The following DCC variants were observed in gnomAD, a reference collection of about 807,000 sequenced individuals.
DCC encodes DCC netrin 1 receptor.
DCC carries 58 observed loss-of-function variants against 172.5 expected under a neutral mutation model. The ratio of observed to expected loss-of-function variants is 0.34; its 90% CI spans 0.27 to 0.42. The LOEUF is 0.42. Ranked by LOEUF, DCC falls within the 10% of genes least tolerant of loss-of-function variation. The probability of loss-of-function intolerance (pLI) is 1.00; values close to 1 mark genes in which losing one functional copy is unlikely to be tolerated. For missense variants in DCC, 1,740 were observed against 1,791.0 expected (o/e 0.97, Z 0.51); for synonymous variants, 709 against 644.5 (o/e 1.10, Z -1.52).
rs1406555358 is a variant in DCC, at chr18:52,565,397, A to G, written c.92-186657A>G. 2.6e-5 allele frequency among the ~76,000 whole-genome samples: 4 copies of G among 152,116 alleles called. No individual in the cohort carries two copies. The South Asian group carries it at 8.3e-4, about 32-fold the overall frequency. On this transcript the variant is annotated intron_variant, in intron 1 of 28. Coordinates refer to ENST00000442544, the MANE Select transcript of DCC (RefSeq NM_005215.4). ...GATCAAATGGTATTTATTGTTCTAG[A>G]TCCTTGAGGAATCGCCACACTGTCT...
At position 53,531,184 on chromosome 18, in the gene DCC, TAAAC is replaced by T. The variant is rs1318838008; in HGVS notation, c.*539_*542del. 5.8e-6 allele frequency: 1 copy of T among 172,904 alleles called. No individual in the cohort carries two copies. 10.7% of individuals were successfully genotyped at this position (172,904 alleles called of 1,614,324 possible). A position where few individuals can be genotyped will look rare whatever the true frequency, so the allele number is the denominator to read the frequency against. On this transcript the variant is annotated 3_prime_UTR_variant, in exon 29 of 29. Coordinates refer to ENST00000442544, the MANE Select transcript of DCC (RefSeq NM_005215.4). The stretch of plus-strand genomic sequence containing the variant: ...TCCTTACAGCACAAAAAGTAAATAG[TAAAC>T]AAACAAAAGGCAGAGAATGCTTATG...
chr18:53,294,286 G>T (rs1342227730), intron 12 of DCC, among the ~76,000 whole-genome samples: 2 of 152,206 alleles, frequency 1.3e-5, no homozygotes, highest in African/African-American at 4.8e-5. Context: ...AGATCTTGGG[G>T]ATGAACAGGC....
At chr18:52,384,758 A>G (rs1326801214) in intron 1 of DCC, among the ~76,000 whole-genome samples, 1 of 152,182 alleles carries the variant, frequency 6.6e-6, no homozygotes, top group Non-Finnish European at 1.5e-5. Context: ...TGACAATTAT[A>G]AACAGAACTA....
chr18:53,352,104 T>G (rs2057819308), intron 15 of DCC, among the ~76,000 whole-genome samples: 1 of 151,866 alleles, frequency 6.6e-6, no homozygotes, highest in Admixed American at 6.6e-5. Context: ...TGCAGGAAAA[T>G]CCCTCTTTCT....
chr18:53,231,662 T>A (rs1035990189), intron 12 of DCC, among the ~76,000 whole-genome samples: 3 of 152,096 alleles, frequency 2.0e-5, no homozygotes, highest in Admixed American at 6.6e-5. Context: ...GAAAATAATA[T>A]TTAAGGGAGT....
At chr18:52,347,155 A>G (rs557843682) in intron 1 of DCC, among the ~76,000 whole-genome samples, 1 of 152,324 alleles carries the variant, frequency 6.6e-6, no homozygotes, top group South Asian at 2.1e-4. Flanking sequence ...TGTTCTGATA[A>G]GAGGACTTGT....
chr18:53,433,400 G>A (rs960353981), intron 21 of DCC, among the ~76,000 whole-genome samples: 12 of 152,276 alleles, frequency 7.9e-5, no homozygotes, highest in Non-Finnish European at 1.5e-4. Context: ...GGAGGAAAAG[G>A]AAAATCCTCC....
chr18:52,774,121 G>A (rs987550102), intron 2 of DCC, among the ~76,000 whole-genome samples: 16 of 152,220 alleles, frequency 1.1e-4, no homozygotes, highest in African/African-American at 3.9e-4. Flanking sequence ...GTCAGAAAGT[G>A]TGGTCCCTGA....
intron 1 of DCC, among the ~76,000 whole-genome samples, chr18:52,596,221 A>C (rs1168705297): frequency 6.6e-6 from 1 of 152,210 alleles, no homozygotes; most frequent in Non-Finnish European, 1.5e-5. Flanking sequence ...AGAATTTCCA[A>C]GTAATGGAAC....
chr18:53,238,211 A>G (rs567753885), intron 12 of DCC, among the ~76,000 whole-genome samples: 26 of 152,148 alleles, frequency 1.7e-4, no homozygotes, highest in African/African-American at 6.0e-4. Context: ...ACTTGATTCT[A>G]CTCTTCCAAT....
chr18:53,389,409 G>C (rs951643081), intron 16 of DCC, among the ~76,000 whole-genome samples: 1 of 152,184 alleles, frequency 6.6e-6, no homozygotes, highest in South Asian at 2.1e-4. Context: ...TGCTGTGCAC[G>C]ATAACGCTCT....
At chr18:52,856,519 C>T (rs117564411) in intron 2 of DCC, among the ~76,000 whole-genome samples, 11,288 of 148,340 alleles carry the variant, frequency 0.076, 785 homozygotes, top group East Asian at 0.31. Context: ...CCAGCTACTC[C>T]GGAAGCTGAG....
intron 5 of DCC, among the ~76,000 whole-genome samples, chr18:53,023,065 A>G (rs2041903538): frequency 6.6e-6 from 1 of 152,052 alleles, no homozygotes; most frequent in Admixed American, 6.6e-5. Flanking sequence ...TGTAATCCCT[A>G]CATTTGAAGA....
intron 7 of DCC, among the ~76,000 whole-genome samples, chr18:53,144,773 C>T (rs2043880668): frequency 6.6e-6 from 1 of 152,074 alleles, no homozygotes; most frequent in African/African-American, 2.4e-5. Context: ...TATTTTGAGA[C>T]TGTACGTAAC....
intron 1 of DCC, among the ~76,000 whole-genome samples, chr18:52,378,711 T>C (rs1985458515): frequency 6.6e-6 from 1 of 151,948 alleles, no homozygotes; most frequent in African/African-American, 2.4e-5. Flanking sequence ...CATGCCCAGC[T>C]AGCTTTTTGT....
chr18:52,793,372 G>C (rs139920575), intron 2 of DCC, among the ~76,000 whole-genome samples: 1 of 152,100 alleles, frequency 6.6e-6, no homozygotes, highest in Non-Finnish European at 1.5e-5. Flanking sequence ...AACTTTACAG[G>C]CTATTTATTA....
chr18:52,882,345 C>G (rs2039499073), intron 2 of DCC, among the ~76,000 whole-genome samples: 1 of 151,468 alleles, frequency 6.6e-6, no homozygotes, highest in South Asian at 2.1e-4. Flanking sequence ...TTTGGACTTG[C>G]CTTTTCTTTT....
At chr18:52,376,014 C>T (rs548354595) in intron 1 of DCC, among the ~76,000 whole-genome samples, 5 of 152,082 alleles carry the variant, frequency 3.3e-5, no homozygotes, top group South Asian at 2.1e-4. Flanking sequence ...CATGCTAGCC[C>T]GAAAGACCTA....
chr18:53,421,875 C>T (rs546861990), intron 21 of DCC, among the ~76,000 whole-genome samples: 1 of 152,204 alleles, frequency 6.6e-6, no homozygotes, highest in Non-Finnish European at 1.5e-5. Flanking sequence ...GGCTTTTCCA[C>T]TATGTGTCAA....
Sources: gnomAD v4.1 joint callset for allele counts (sites outside exome capture counted in the v4.1 genomes callset) on GRCh38, gnomAD v4.1.1 for gene constraint, MANE v1.5 for transcripts, NCBI Gene and HGNC (gene_info 2026-07-23, HGNC 2026-07-21) for gene names.